VRK2: variants seen among roughly 807,000 people sequenced by gnomAD.
The protein encoded by VRK2 is serine/threonine-protein kinase VRK2.
Under a neutral mutation model 57.6 loss-of-function variants are expected in VRK2, and 60 were observed. The ratio of observed to expected loss-of-function variants is 1.04; its 90% confidence interval spans 0.85 to 1.29. The LOEUF is 1.29. Among genes scored for constraint, VRK2 ranks in the 50% most tolerant of loss-of-function variants. The probability of loss-of-function intolerance (pLI) is 0.00; values close to 1 mark genes in which losing one functional copy is unlikely to be tolerated. For missense variants in VRK2, 705 were observed against 588.1 expected (o/e 1.20, Z -2.06); for synonymous variants, 231 against 199.2 (o/e 1.16, Z -1.35).
intron 1 of VRK2, among the ~76,000 whole-genome samples, chr2:57,974,312 A>T (rs1354733791): frequency 6.6e-6 from 1 of 151,976 alleles, no homozygotes; most frequent in African/African-American, 2.4e-5. Context: ...CAATTAAACA[A>T]GATTTAATTG....
At chr2:58,137,223 TC>T (rs375442013) in intron 10 of VRK2, among the ~76,000 whole-genome samples, 2,400 of 19,732 alleles carry the variant, frequency 0.12, 413 homozygotes, top group African/African-American at 0.32. Flanking sequence ...TACATATATA[TC>T]ATATGATACA....
At chr2:58,085,930 CTT>C (rs59333442) in intron 4 of VRK2, among the ~76,000 whole-genome samples, 21 of 116,842 alleles carry the variant, frequency 1.8e-4, no homozygotes, top group Non-Finnish European at 2.5e-4. Flanking sequence ...CTTTTTTTTT[CTT>C]TTTTTTTTTT....
chr2:58,155,565 T>C (rs1304946670), intron 12 of VRK2, among the ~76,000 whole-genome samples: 1 of 152,074 alleles, frequency 6.6e-6, no homozygotes, highest in Non-Finnish European at 1.5e-5. Flanking sequence ...TATCTCACAA[T>C]TTCCCTAACA....
intron 1 of VRK2, among the ~76,000 whole-genome samples, chr2:57,926,496 A>G (rs1670539673): frequency 1.3e-5 from 2 of 149,930 alleles, no homozygotes; most frequent in African/African-American, 4.9e-5. Flanking sequence ...AATTATATAT[A>G]TATATAGTGT....
chr2:58,158,297 C>T (rs985346141), intron 12 of VRK2, among the ~76,000 whole-genome samples: 10 of 152,108 alleles, frequency 6.6e-5, no homozygotes, highest in African/African-American at 2.4e-4. Context: ...AATGTGACTT[C>T]GTTAGCTCAG....
chr2:57,929,475 G>T (rs1156622220), intron 1 of VRK2, among the ~76,000 whole-genome samples: 1 of 152,080 alleles, frequency 6.6e-6, no homozygotes, highest in Non-Finnish European at 1.5e-5. Flanking sequence ...CTCTGGCCTA[G>T]GACTGTTCTG....
At chr2:57,911,420 A>G (rs190945293) in intron 1 of VRK2, among the ~76,000 whole-genome samples, 77 of 152,334 alleles carry the variant, frequency 5.1e-4, no homozygotes, top group African/African-American at 1.8e-3. Context: ...ATCCCACAAT[A>G]TAGATAACAC....
intron 7 of VRK2, among the ~76,000 whole-genome samples, chr2:58,091,072 A>G (rs1573042399): frequency 6.6e-6 from 1 of 152,210 alleles, no homozygotes; most frequent in African/African-American, 2.4e-5. Flanking sequence ...AGGAAGGATG[A>G]ATGAGTGAAG....
At chr2:57,990,986 T>C (rs1391421243) in intron 1 of VRK2, among the ~76,000 whole-genome samples, 1 of 151,834 alleles carries the variant, frequency 6.6e-6, no homozygotes, top group Non-Finnish European at 1.5e-5. Flanking sequence ...TCCATAGGGA[T>C]AGATGGGAAA....
intron 2 of VRK2, among the ~76,000 whole-genome samples, chr2:58,071,887 A>G (rs182930017): frequency 3.7e-4 from 56 of 152,150 alleles, no homozygotes; most frequent in Admixed American, 3.1e-3. Context: ...CATCTTAAGA[A>G]TATGAGTGAG....
chr2:57,937,981 G>A (rs760195600), intron 1 of VRK2, among the ~76,000 whole-genome samples: 9 of 151,720 alleles, frequency 5.9e-5, no homozygotes, highest in Non-Finnish European at 7.4e-5. Context: ...ACAGGTGCCC[G>A]CAACCACACC....
chr2:58,141,396 A>C (rs762027350), intron 11 of VRK2, among the ~76,000 whole-genome samples: 6 of 151,978 alleles, frequency 3.9e-5, no homozygotes, highest in Non-Finnish European at 8.8e-5. Context: ...GTTTGTTGTG[A>C]AACCATTTTT....
intron 1 of VRK2, among the ~76,000 whole-genome samples, chr2:58,019,640 C>T (rs994501165): frequency 6.6e-6 from 1 of 152,172 alleles, no homozygotes; most frequent in African/African-American, 2.4e-5. Context: ...TAAACAAGTG[C>T]TTTTTAATGT....
At chr2:58,017,625 A>C (rs1301918029) in intron 1 of VRK2, among the ~76,000 whole-genome samples, 1 of 152,028 alleles carries the variant, frequency 6.6e-6, no homozygotes, top group Admixed American at 6.5e-5. Flanking sequence ...AAGAGCGTTA[A>C]ATATATGTGC....
At chr2:57,960,594 C>T (rs759122500) in intron 1 of VRK2, among the ~76,000 whole-genome samples, 8 of 152,278 alleles carry the variant, frequency 5.3e-5, no homozygotes, top group South Asian at 2.1e-4. Context: ...AGGTTCATAT[C>T]TATGGTCATG....
Position 58,068,847 on chromosome 2 carries a change from A to G in VRK2, c.137-15242A>G, listed in dbSNP as rs1258007662. On this transcript the variant is annotated intron_variant, in intron 2 of 12. Transcript: ENST00000340157. ...AAAAAAAACAAAAACTCGGTTATGT[A>G]TCTTTTAGTTTCAAAAACATCATTT... 4.7e-5 allele frequency among the ~76,000 whole-genome samples: 7 copies of G among 147,644 alleles called. No homozygotes were observed. The East Asian group carries it at 5.9e-4, about 12-fold the overall frequency.
intron 1 of VRK2, among the ~76,000 whole-genome samples, chr2:57,976,399 C>T (rs1173390051): frequency 6.6e-6 from 1 of 152,114 alleles, no homozygotes; most frequent in Admixed American, 6.6e-5. Context: ...ATTCCCTTTG[C>T]TCTGTAACCT....
At chr2:58,005,473 G>T (rs1163784524) in intron 1 of VRK2, among the ~76,000 whole-genome samples, 1 of 151,626 alleles carries the variant, frequency 6.6e-6, no homozygotes, top group Non-Finnish European at 1.5e-5. Flanking sequence ...TATAAAATTT[G>T]GATTATATGT....
chr2:58,079,042 A>G (rs1006066213), intron 2 of VRK2, among the ~76,000 whole-genome samples: 2 of 152,084 alleles, frequency 1.3e-5, no homozygotes, highest in Admixed American at 6.6e-5. Flanking sequence ...TATTCTGTAT[A>G]TTTACCTCTT....
Sources: gnomAD v4.1 joint callset for allele counts (sites outside exome capture counted in the v4.1 genomes callset) on GRCh38, gnomAD v4.1.1 for gene constraint, MANE v1.5 for transcripts, NCBI Gene and HGNC (gene_info 2026-07-23, HGNC 2026-07-21) for gene names.